Variants in SLC43A2 observed in about 807,000 individuals in gnomAD.
The protein encoded by SLC43A2 is large neutral amino acids transporter small subunit 4.
In SLC43A2, 38 loss-of-function variants were observed where a neutral mutation model predicts 63.2. That is an observed-to-expected ratio of 0.60 (90% CI 0.46 to 0.79). The LOEUF (loss-of-function observed/expected upper bound fraction) is 0.79. SLC43A2 is among the 30% of genes least tolerant of loss of function. SLC43A2 has a pLI of 0.00. For missense variants in SLC43A2, 644 were observed against 756.2 expected (o/e 0.85, Z 1.74); for synonymous variants, 322 against 331.0 (o/e 0.97, Z 0.30).
intron 3 of SLC43A2, among the ~76,000 whole-genome samples, chr17:1,615,781 C>T (rs9709382): frequency 0.82 from 117,603 of 144,112 alleles, 48,031 homozygotes; most frequent in East Asian, 0.96. Flanking sequence ...AGGCGGAGCT[C>T]GCAGTGAGCC....
At chr17:1,594,831 G>A (rs771017726) in intron 5 of SLC43A2, among the ~76,000 whole-genome samples, 41 of 151,584 alleles carry the variant, frequency 2.7e-4, no homozygotes, top group East Asian at 9.8e-4. Flanking sequence ...CTCGTGATCC[G>A]CCCGCCTTGG....
intron 5 of SLC43A2, chr17:1,604,499 C>A: frequency 1.8e-6 from 1 of 563,192 alleles, no homozygotes; most frequent in East Asian, 3.0e-5. Context: ...TTCAGCCCTC[C>A]TTAGGCAACC....
At chr17:1,622,916 A>T (rs1194618166) in intron 2 of SLC43A2, among the ~76,000 whole-genome samples, 9 of 151,146 alleles carry the variant, frequency 6.0e-5, no homozygotes, top group East Asian at 1.9e-4. Context: ...TCCATCTCAA[A>T]AAAATAAAAT....
intron 11 of SLC43A2, among the ~76,000 whole-genome samples, chr17:1,580,728 AT>A (rs11321695): frequency 0.41 from 51,842 of 126,372 alleles, 10,381 homozygotes; most frequent in African/African-American, 0.47. Flanking sequence ...GGCCCGGCTA[AT>A]TTTTTTTTTT....
At chr17:1,608,924 G>T (rs1214820178) in intron 5 of SLC43A2, among the ~76,000 whole-genome samples, 1 of 152,150 alleles carries the variant, frequency 6.6e-6, no homozygotes, top group Non-Finnish European at 1.5e-5. Flanking sequence ...CTTTGTATTT[G>T]AAAGAGCTCT....
chr17:1,576,073 CTTTTTTTTTTTT>C (rs56013428), intron 13 of SLC43A2, among the ~76,000 whole-genome samples: 1 of 81,526 alleles, frequency 1.2e-5, no homozygotes, highest in Admixed American at 1.3e-4. Context: ...GAACTGTGTT[CTTTTTTTTTTTT>C]TTTTTTTTTT....
At position 1,571,317 on chromosome 17, in the gene SLC43A2, G is replaced by A. The variant is rs938288810; in HGVS notation, c.*4287C>T. 1 of 152,266 alleles carries A rather than the reference G, an allele frequency of 6.6e-6. No homozygotes were observed. Among genetic ancestry groups the A allele is most frequent in the Non-Finnish European group, 1.5e-5 (1 of 68,086 alleles). 9.4% of individuals were successfully genotyped at this position (152,266 alleles called of 1,614,324 possible). On this transcript the variant is annotated 3_prime_UTR_variant, in exon 14 of 14. Transcript: ENST00000301335. This position sits in a 1 kb window ranked among gnomAD's most constrained non-coding sequence, Gnocchi z 5.2. Reference sequence around the variant, plus strand: ...CCCACAGTCTGTATTGGCGGAAGACGGGCTGGCACCCTTGAGTTAGGCCCC... The same window carrying A: ...CCCACAGTCTGTATTGGCGGAAGACAGGCTGGCACCCTTGAGTTAGGCCCC...
chr17:1,603,646 G>A (rs1906291237), intron 5 of SLC43A2, among the ~76,000 whole-genome samples: 1 of 152,056 alleles, frequency 6.6e-6, no homozygotes, highest in Non-Finnish European at 1.5e-5. Flanking sequence ...TTAGCCAGGC[G>A]TGGTGGCGTG....
chr17:1,583,975 C>A lies in SLC43A2; in HGVS notation c.1218-639G>T, dbSNP rs527992565. Among the ~76,000 whole-genome samples, 6 of 151,814 alleles carry A rather than the reference C, an allele frequency of 4.0e-5. No homozygotes were observed. The highest frequency in any genetic ancestry group is 1.3e-4 in the Admixed American group (2 of 15,236). ...CAGTGGTGTGATCTCGGCTCATTGC[C>A]ACCTCTGCCTCCTGGGTTCAAGCGA... On this transcript the variant is annotated intron_variant, in intron 10 of 13. Coordinates refer to ENST00000301335, the MANE Select transcript of SLC43A2 (RefSeq NM_152346.3). This position sits in a 1 kb window ranked among gnomAD's most constrained non-coding sequence, Gnocchi z 5.5.
intron 9 of SLC43A2, chr17:1,587,085 A>G (rs72820325): frequency 1.8e-4 from 128 of 696,958 alleles, no homozygotes; most frequent in Middle Eastern, 2.5e-4. Flanking sequence ...TGCATTTCCC[A>G]CACTGCGTTT....
rs1188349989 is a variant in SLC43A2, at chr17:1,593,263, C to A, written c.518G>T (p.Gly173Val). 2 of 1,613,690 alleles carry A rather than the reference C, an allele frequency of 1.2e-6. No individual in the cohort carries two copies. The highest frequency in any genetic ancestry group is 1.7e-6 in the Non-Finnish European group (2 of 1,179,928). The change falls in exon 6 of 14, where the codon GGC (glycine) becomes GTC (valine). Residue 173 changes from glycine (G) to valine (V), a missense_variant. Transcript: ENST00000301335. This position sits in a 1 kb window ranked among gnomAD's most constrained non-coding sequence, Gnocchi z 5.3. ...GGCAATAAACGTGGACCGAAGGTCG[C>A]CGAACATGTTGGGCAGCTGAGAGAT... The part of the protein sequence containing the change: ...FTSLTLPNMF[G>V]DLRSTFIALM...
At chr17:1,584,744 C>T (rs903867545) in intron 10 of SLC43A2, among the ~76,000 whole-genome samples, 3 of 150,716 alleles carry the variant, frequency 2.0e-5, no homozygotes, top group Non-Finnish European at 3.0e-5. Flanking sequence ...GGTGTGAACC[C>T]GGGAGGCGGA....
rs756129740 is a variant in SLC43A2 at position 1,627,755 on chromosome 17, G to T, written c.120C>A (p.Leu40=). 3.1e-6 allele frequency: 5 copies of T among 1,588,562 alleles called. No individual in the cohort carries two copies. In the South Asian group the frequency reaches 5.7e-5, roughly 18 times the overall value. Residue 40 remains leucine, a synonymous_variant, in exon 2 of 14, where the codon CTC becomes CTA. Transcript: ENST00000301335. ...LLGWGSLLIM[L]KSEGFYSYLC... ...GGTAGGAGTAAAAGCCCTCTGACTTGAGCATGATGAGCAGCGAGCCCCAGC... is the reference window on the plus strand; with the variant it reads ...GGTAGGAGTAAAAGCCCTCTGACTTTAGCATGATGAGCAGCGAGCCCCAGC...
At chr17:1,579,789 A>G (rs2075984543) in intron 11 of SLC43A2, among the ~76,000 whole-genome samples, 1 of 152,078 alleles carries the variant, frequency 6.6e-6, no homozygotes, top group Non-Finnish European at 1.5e-5. Flanking sequence ...GTGAGCCAAG[A>G]TCCCACCACT....
At chr17:1,585,639 C>T (rs957844248) in intron 10 of SLC43A2, 8 of 1,339,890 alleles carry the variant, frequency 6.0e-6, no homozygotes, top group Admixed American at 4.5e-5. Context: ...CTTCCTACCC[C>T]AGCCTTTCAA....
Position 1,574,432 on chromosome 17 carries a change from A to G in SLC43A2, c.*1172T>C, listed in dbSNP as rs2075890044. The G allele has an allele frequency of 1.3e-5, 2 of 152,782 alleles. No homozygotes were observed. The highest frequency in any genetic ancestry group is 4.1e-4 in the South Asian group (2 of 4,832). 9.5% of individuals were successfully genotyped at this position (152,782 alleles called of 1,614,324 possible). ...CGGAGGAAAATGGATTTATTGCTTT[A>G]TAAAAAAGAAGTCTAATAAAACTGA... On this transcript the variant is annotated 3_prime_UTR_variant, in exon 14 of 14. Coordinates refer to ENST00000301335, the MANE Select transcript of SLC43A2 (RefSeq NM_152346.3).
In SLC43A2 at chr17:1,577,226, G is replaced by A. The variant is rs113007691; in HGVS notation, c.1425-506C>T. On this transcript the variant is annotated intron_variant, in intron 12 of 13. Transcript: ENST00000301335. This position sits in a 1 kb window ranked among gnomAD's most constrained non-coding sequence, Gnocchi z 4.9. Reference sequence around the variant, plus strand: ...AGCTCCAGGCCCCAGACTCTGGGGAGGGCCCACCCCACTCAGCTGTGCCCA... The same window carrying A: ...AGCTCCAGGCCCCAGACTCTGGGGAAGGCCCACCCCACTCAGCTGTGCCCA... Among the ~76,000 whole-genome samples, 1,293 of 152,324 alleles carry A rather than the reference G, an allele frequency of 8.5e-3. 14 individuals are homozygous for A. The highest frequency in any genetic ancestry group is 0.029 in the African/African-American group (1,200 of 41,566).
chr17:1,581,202 C>CCACACACACACACACACACACACACACA (rs376885169), intron 11 of SLC43A2, among the ~76,000 whole-genome samples: 4 of 148,364 alleles, frequency 2.7e-5, no homozygotes, highest in Non-Finnish European at 4.5e-5. Flanking sequence ...TGCCCAGTGC[C>CCACACACACACACACACACACACACACA]CACACACACA....
intron 5 of SLC43A2, among the ~76,000 whole-genome samples, chr17:1,602,107 G>A (rs961299496): frequency 1.3e-5 from 2 of 152,218 alleles, no homozygotes; most frequent in African/African-American, 4.8e-5. Context: ...CCTCCTGAAG[G>A]TGCGTGTGGG....
Sources: gnomAD v4.1 joint callset for allele counts (sites outside exome capture counted in the v4.1 genomes callset) on GRCh38, gnomAD v4.1.1 for gene constraint, Gnocchi (gnomAD v3.1) non-coding constraint, MANE v1.5 for transcripts, NCBI Gene and HGNC (gene_info 2026-07-23, HGNC 2026-07-21) for gene names.